CFI: variants seen among roughly 807,000 people sequenced by gnomAD.
CFI encodes complement factor I.
In CFI, 66 loss-of-function variants were observed where a neutral mutation model predicts 78.8. The ratio of observed to expected loss-of-function variants is 0.84; its 90% CI spans 0.69 to 1.03. The LOEUF is 1.03. Among genes scored for constraint, CFI ranks in the 50% least tolerant of loss-of-function variants. The pLI is 0.00. For synonymous variants in CFI, 250 were observed against 232.6 expected, an observed-to-expected ratio of 1.07 and a Z score of -0.68; for missense variants, 706 against 704.5, an observed-to-expected ratio of 1.00 and a Z score of -0.02.
chr4:109,771,294 T>C (rs961486724), intron 1 of CFI, among the ~76,000 whole-genome samples: 3 of 152,116 alleles, frequency 2.0e-5, no homozygotes, highest in Non-Finnish European at 4.4e-5. Context: ...TGGTGGCTCA[T>C]GCCTATCATC....
intron 11 of CFI, 74 bp from the exon 12 acceptor site, chr4:109,742,669 C>T (rs1723950949): frequency 1.0e-6 from 1 of 956,626 alleles, no homozygotes; most frequent in African/African-American, 1.6e-5. Flanking sequence ...ATAACTTAAA[C>T]CATTGGGATT....
At chr4:109,759,493 C>T (rs1379639161) in intron 6 of CFI, among the ~76,000 whole-genome samples, 1 of 152,042 alleles carries the variant, frequency 6.6e-6, no homozygotes, top group African/African-American at 2.4e-5. Context: ...ATTATTATAT[C>T]TAACATAGAT....
At chr4:109,761,876 T>G in intron 3 of CFI, 184 bp from the exon 4 acceptor site, 1 of 591,194 alleles carries the variant, frequency 1.7e-6, no homozygotes, top group Admixed American at 2.9e-5. Context: ...TATAACTACC[T>G]CACTGGGTTT....
chr4:109,763,468 A>C (rs190162860), intron 3 of CFI, among the ~76,000 whole-genome samples: 23 of 152,194 alleles, frequency 1.5e-4, no homozygotes, highest in African/African-American at 5.1e-4. Context: ...TAATAAGCCT[A>C]AAAACAAGAG....
chr4:109,769,543 C>A (rs983152808), intron 1 of CFI, among the ~76,000 whole-genome samples: 3 of 152,114 alleles, frequency 2.0e-5, no homozygotes, highest in African/African-American at 7.2e-5. Flanking sequence ...TGAGAACTAG[C>A]CTTGGCAAGG....
intron 1 of CFI, among the ~76,000 whole-genome samples, chr4:109,774,901 G>A (rs777198708): frequency 6.6e-6 from 1 of 152,080 alleles, no homozygotes; most frequent in African/African-American, 2.4e-5. Context: ...ATGTCAATTT[G>A]TGCTCTTTCA....
In CFI at chr4:109,740,929, A is replaced by G. The variant is rs776491901; in HGVS notation, c.1716T>C (p.His572=). 8.1e-6 allele frequency: 13 copies of G among 1,614,028 alleles called. No homozygotes were observed. In the Middle Eastern group the frequency reaches 4.9e-4, roughly 61 times the overall value. Residue 572 remains histidine (H), a synonymous_variant, in exon 13 of 13, where the codon CAT becomes CAC. Transcript: ENST00000394634. ...ACTGAGAAATAAAAGGCCTTCCTAC[A>G]TGGTAGCTAATCCAGTCAAAATAAT... The part of the protein sequence containing the change: ...VANYFDWISY[H]VGRPFISQYN...
At chr4:109,772,731 A>G (rs1440486229) in intron 1 of CFI, among the ~76,000 whole-genome samples, 1 of 152,060 alleles carries the variant, frequency 6.6e-6, no homozygotes, top group Non-Finnish European at 1.5e-5. Context: ...ACATGCTACC[A>G]TGCCCAGTTA....
rs186191466 is a variant in CFI at position 109,797,538 on chromosome 4, A to G, written c.57+4377T>C. Among the ~76,000 whole-genome samples, 360 of 149,704 alleles carry G rather than the reference A, an allele frequency of 2.4e-3. 1 individual carries two copies. Among genetic ancestry groups the G allele is most frequent in the African/African-American group, 8.9e-3 (349 of 39,394 alleles). ...TGGCAATAATATCTTGACTATGACG[A>G]CAAAAGCACAGGCAACAAAAGCAAA... On this transcript the variant is annotated intron_variant, in intron 1 of 12. Coordinates refer to ENST00000394634, the MANE Select transcript of CFI (RefSeq NM_000204.5).
downstream of CFI, among the ~76,000 whole-genome samples, chr4:109,740,018 G>C (rs771786043): frequency 1.5e-4 from 23 of 152,322 alleles, no homozygotes; most frequent in Admixed American, 4.6e-4. Context: ...CAGGGGCCTG[G>C]TGTGGTGGCT....
chr4:109,760,428 A>C, intron 5 of CFI, 48 bp from the exon 6 acceptor site: 2 of 1,514,494 alleles, frequency 1.3e-6, no homozygotes, highest in Non-Finnish European at 1.8e-6. Flanking sequence ...TTAAAGTTGA[A>C]TGAGGTACAA....
chr4:109,792,003 C>T (rs1731443488), intron 1 of CFI, among the ~76,000 whole-genome samples: 1 of 152,024 alleles, frequency 6.6e-6, no homozygotes. Flanking sequence ...TGGTTTCCAG[C>T]CTTATTCCAC....
chr4:109,779,764 C>G (rs538040165), intron 1 of CFI, among the ~76,000 whole-genome samples: 4 of 152,160 alleles, frequency 2.6e-5, no homozygotes, highest in East Asian at 1.9e-4. Flanking sequence ...CAAAACAGCA[C>G]AGTACTGGTA....
intron 1 of CFI, among the ~76,000 whole-genome samples, chr4:109,785,360 ATTG>A: frequency 6.6e-6 from 1 of 152,202 alleles, no homozygotes. Flanking sequence ...AGTAGTCAAA[ATTG>A]TTGTTAAAAT....
intron 11 of CFI, 48 bp downstream of exon 11, chr4:109,746,172 CTT>C: frequency 1.3e-6 from 2 of 1,598,724 alleles, no homozygotes; most frequent in Non-Finnish European, 1.7e-6. Flanking sequence ...TTTCTATTCT[CTT>C]TCATTTCCAA....
At chr4:109,738,764 G>T (rs190070596), downstream of CFI, among the ~76,000 whole-genome samples, 2 of 152,268 alleles carry the variant, frequency 1.3e-5, no homozygotes, top group Admixed American at 1.3e-4. Context: ...GTCTAAGTCC[G>T]CCCAGCCCAG....
chr4:109,778,209 A>C (rs1056690588), intron 1 of CFI, among the ~76,000 whole-genome samples: 1 of 152,302 alleles, frequency 6.6e-6, no homozygotes, highest in South Asian at 2.1e-4. Flanking sequence ...TTTTTTGAAA[A>C]GATCAACAAA....
rs562675153 is a variant in CFI at position 109,756,978 on chromosome 4, A to T, written c.904+785T>A. On this transcript the variant is annotated intron_variant, in intron 7 of 12. Coordinates refer to ENST00000394634, the MANE Select transcript of CFI (RefSeq NM_000204.5). The stretch of plus-strand genomic sequence containing the variant: ...GAAAGAAAGAAAGAAAGAAAGAAAG[A>T]AATTCTGAGGAGGATCATGAACTTT... 5.4e-4 allele frequency among the ~76,000 whole-genome samples: 77 copies of T among 143,508 alleles called. 1 individual carries two copies. Among genetic ancestry groups the T allele is most frequent in the African/African-American group, 1.8e-3 (72 of 39,476 alleles). 94.1% of individuals were successfully genotyped at this position (143,508 alleles called of 152,430 possible). A position where few individuals can be genotyped will look rare whatever the true frequency, so the allele number is the denominator to read the frequency against.
At chr4:109,751,608 A>G (rs1253386999) in intron 8 of CFI, among the ~76,000 whole-genome samples, 3 of 151,652 alleles carry the variant, frequency 2.0e-5, no homozygotes, top group African/African-American at 7.3e-5. Context: ...TGTCTGGCTA[A>G]TTTTTATATT....
Sources: allele counts gnomAD v4.1 joint callset (sites outside exome capture counted in the v4.1 genomes callset), GRCh38; gene constraint gnomAD v4.1.1; transcripts MANE v1.5; gene names NCBI Gene and HGNC (gene_info 2026-07-23, HGNC 2026-07-21).